The following ZNF177 variants were observed in gnomAD, a reference collection of about 807,000 sequenced individuals.
The protein encoded by ZNF177 is zinc finger protein 177.
In ZNF177, 17 loss-of-function variants were observed where a neutral mutation model predicts 19.4. The ratio of observed to expected loss-of-function variants is 0.87; its 90% confidence interval spans 0.60 to 1.31. The LOEUF is 1.31. Among genes scored for constraint, ZNF177 ranks in the 40% most tolerant of loss-of-function variants. ZNF177 has a pLI of 0.00. For synonymous variants in ZNF177, 220 were observed against 188.7 expected, an observed-to-expected ratio of 1.17 and a Z score of -1.36; for missense variants, 633 against 561.8, an observed-to-expected ratio of 1.13 and a Z score of -1.28.
intron 1 of ZNF177, 137 bp downstream of exon 1, chr19:9,363,221 C>T (rs979970087): frequency 6.6e-6 from 1 of 152,406 alleles, no homozygotes; most frequent in Non-Finnish European, 1.5e-5. Context: ...TCTCAGAGGC[C>T]GCCGGCTTTG....
chr19:9,374,425 T>C (rs572584642), upstream of ZNF177, among the ~76,000 whole-genome samples: 18 of 152,328 alleles, frequency 1.2e-4, no homozygotes, highest in African/African-American at 4.3e-4. Flanking sequence ...GTAAAAAATA[T>C]CATTGGAATT....
At chr19:9,373,288 C>A (rs2068070417), upstream of ZNF177, among the ~76,000 whole-genome samples, 2 of 152,124 alleles carry the variant, frequency 1.3e-5, no homozygotes, top group South Asian at 2.1e-4. Flanking sequence ...AGGTTTCCTT[C>A]TTTTTTAAGA....
At chr19:9,371,058 A>C (rs749091929) in intron 2 of ZNF177, among the ~76,000 whole-genome samples, 1 of 152,198 alleles carries the variant, frequency 6.6e-6, no homozygotes. Context: ...ACTGCAAATA[A>C]ATATTGAATA....
At chr19:9,379,749 ATCGT>A (rs2068163942) in intron 4 of ZNF177, 130 bp downstream of exon 6, 2 of 1,146,754 alleles carry the variant, frequency 1.7e-6, no homozygotes, top group African/African-American at 3.1e-5. Flanking sequence ...CATCTATTCA[ATCGT>A]TCATACGTTC....
chr19:9,378,107 T>C, intron 1 of ZNF177, 152 bp from the exon 4 acceptor site: 1 of 590,318 alleles, frequency 1.7e-6, no homozygotes, highest in Non-Finnish European at 2.7e-6. Flanking sequence ...TATTTCTAAT[T>C]TGAGGATATA....
At chr19:9,379,796 C>T (rs1462641439) in intron 4 of ZNF177, 177 bp downstream of exon 6, 10 of 854,244 alleles carry the variant, frequency 1.2e-5, no homozygotes, top group Non-Finnish European at 1.7e-5. Flanking sequence ...TTTAATTCCT[C>T]TTTAAATGTA....
chr19:9,368,466 T>G (rs2068007822), intron 2 of ZNF177, among the ~76,000 whole-genome samples: 1 of 152,180 alleles, frequency 6.6e-6, no homozygotes, highest in Non-Finnish European at 1.5e-5. Context: ...TTTCTCCTTT[T>G]GTCTTTGAAG....
intron 2 of ZNF177, among the ~76,000 whole-genome samples, chr19:9,367,146 C>A (rs2122489902): frequency 6.6e-6 from 1 of 152,170 alleles, no homozygotes; most frequent in South Asian, 2.1e-4. Context: ...CGGTGAAACC[C>A]CGTCTCTACT....
At chr19:9,372,364 A>G (rs2068056662), upstream of ZNF177, among the ~76,000 whole-genome samples, 1 of 151,910 alleles carries the variant, frequency 6.6e-6, no homozygotes, top group African/African-American at 2.4e-5. Flanking sequence ...TTTCATATGG[A>G]AATTTTACTT....
chr19:9,377,540 C>A (rs529027183), intron 1 of ZNF177, among the ~76,000 whole-genome samples: 14 of 152,174 alleles, frequency 9.2e-5, no homozygotes, highest in African/African-American at 2.9e-4. Flanking sequence ...AGATCCTAAC[C>A]CTATTTAGGC....
upstream of ZNF177, among the ~76,000 whole-genome samples, chr19:9,374,645 T>C (rs2068087300): frequency 6.6e-6 from 1 of 152,148 alleles, no homozygotes; most frequent in South Asian, 2.1e-4. Context: ...TAAGTGAAAT[T>C]ATTTTCATAG....
Position 9,381,987 on chromosome 19 carries a change from C to A in ZNF177, c.*210C>A. The A allele has an allele frequency of 1.2e-5, 8 of 682,314 alleles. No homozygotes were observed. In the South Asian group the frequency reaches 1.8e-4, roughly 15 times the overall value. The allele number at this position is 682,314 out of a possible 1,614,324, so 42.3% of individuals were successfully genotyped here. On this transcript the variant is annotated 3_prime_UTR_variant, in exon 6 of 6. Coordinates refer to ENST00000589262, the Ensembl canonical transcript of ZNF177. ...TCTTATATGTGTCACAACTGTAGATCCTATGAATATTTTAGTTATCTTTTC... is the reference window on the plus strand; with the variant it reads ...TCTTATATGTGTCACAACTGTAGATACTATGAATATTTTAGTTATCTTTTC...
upstream of ZNF177, chr19:9,376,244 G>GC (rs1270756468): frequency 6.6e-6 from 1 of 152,160 alleles, no homozygotes; most frequent in Non-Finnish European, 1.5e-5. Context: ...TCCCACCCTA[G>GC]CCCACCAAGT....
chr19:9,379,501 C>T, intron 3 of ZNF177, 26 bp from the exon 6 acceptor site: 1 of 1,606,292 alleles, frequency 6.2e-7, no homozygotes, highest in Admixed American at 1.7e-5. Context: ...ACATTTCTCC[C>T]ACATCCTTGC....
chr19:9,373,496 T>A (rs1043477796), upstream of ZNF177, among the ~76,000 whole-genome samples: 1 of 152,252 alleles, frequency 6.6e-6, no homozygotes, highest in African/African-American at 2.4e-5. Flanking sequence ...ATGGTAGTTC[T>A]ATTTTTAATA....
chr19:9,379,568 C>G, exon 4 of ZNF177: 1 of 1,613,954 alleles, frequency 6.2e-7, no homozygotes, highest in Non-Finnish European at 8.5e-7. Context: ...CAAGGTGGAT[C>G]AAGAACAGCT....
rs2068157116 is a variant in ZNF177, at chr19:9,379,405, TC to T, written c.161-120del. The T allele has an allele frequency of 2.2e-6, 3 of 1,337,778 alleles. No individual in the cohort carries two copies. The Admixed American group carries it at 7.6e-5, about 34-fold the overall frequency. The allele number at this position is 1,337,778 out of a possible 1,614,324, so 82.9% of individuals were successfully genotyped here. A position where few individuals can be genotyped will look rare whatever the true frequency, so the allele number is the denominator to read the frequency against. ...AGCTCGGCTCTGATTGTTTTGTTGT[TC>T]CTAAAGCTGCACTTGACTATTTTAA... On this transcript the variant is annotated intron_variant, in intron 3 of 5. Coordinates refer to ENST00000589262, the Ensembl canonical transcript of ZNF177.
At chr19:9,363,418 C>G (rs979464276) in intron 1 of ZNF177, 14 of 152,290 alleles carry the variant, frequency 9.2e-5, no homozygotes, top group African/African-American at 3.4e-4. Context: ...TTGGACCTCA[C>G]TTTCCGTTGT....
chr19:9,374,088 T>C (rs1436644046), upstream of ZNF177, among the ~76,000 whole-genome samples: 1 of 152,268 alleles, frequency 6.6e-6, no homozygotes, highest in East Asian at 1.9e-4. Context: ...TTGTTTGTAG[T>C]TTAAGGATCT....
Sources: gnomAD v4.1 joint callset for allele counts (sites outside exome capture counted in the v4.1 genomes callset) on GRCh38, gnomAD v4.1.1 for gene constraint, MANE v1.5 for transcripts, NCBI Gene and HGNC (gene_info 2026-07-23, HGNC 2026-07-21) for gene names.